Variants in GAB1 observed in about 807,000 individuals in gnomAD.
The protein encoded by GAB1 is GRB2-associated-binding protein 1.
In GAB1, 19 loss-of-function variants were observed where a neutral mutation model predicts 66.5. The observed-to-expected ratio is 0.29, with a 90% CI of 0.20 to 0.42. The LOEUF (loss-of-function observed/expected upper bound fraction) is 0.42. GAB1 is among the 10% of genes least tolerant of loss of function. The probability of loss-of-function intolerance (pLI) is 1.00; values close to 1 mark genes in which losing one functional copy is unlikely to be tolerated. For synonymous variants in GAB1, 294 were observed against 301.4 expected, an observed-to-expected ratio of 0.98 and a Z score of 0.25; for missense variants, 732 against 858.5, an observed-to-expected ratio of 0.85 and a Z score of 1.84.
intron 1 of GAB1, among the ~76,000 whole-genome samples, chr4:143,386,940 G>C (rs1030375521): frequency 2.0e-5 from 3 of 152,056 alleles, no homozygotes; most frequent in Non-Finnish European, 2.9e-5. Context: ...AGATTTTTTT[G>C]TTGATGTCTA....
At chr4:143,361,072 G>A (rs572074006) in intron 1 of GAB1, among the ~76,000 whole-genome samples, 3 of 152,080 alleles carry the variant, frequency 2.0e-5, no homozygotes, top group African/African-American at 4.8e-5. Flanking sequence ...CACTGTTTCT[G>A]TTGGCATAGT....
At chr4:143,419,953 T>C (rs756291976) in intron 2 of GAB1, among the ~76,000 whole-genome samples, 1 of 152,166 alleles carries the variant, frequency 6.6e-6, no homozygotes, top group Non-Finnish European at 1.5e-5. Flanking sequence ...TCAAAGTTTT[T>C]CAGCCATTTA....
chr4:143,389,439 C>T (rs1008229694), intron 1 of GAB1, among the ~76,000 whole-genome samples: 4 of 152,070 alleles, frequency 2.6e-5, no homozygotes, highest in African/African-American at 4.8e-5. Context: ...GCAGTGTGGT[C>T]GGGAGTTGAA....
intron 1 of GAB1, among the ~76,000 whole-genome samples, chr4:143,386,959 A>G (rs1485859578): frequency 6.6e-6 from 1 of 152,190 alleles, no homozygotes; most frequent in Non-Finnish European, 1.5e-5. Context: ...TACTGTAGAC[A>G]ATGGGGAAAT....
intron 1 of GAB1, among the ~76,000 whole-genome samples, chr4:143,392,350 G>C (rs1731224917): frequency 6.6e-6 from 1 of 152,160 alleles, no homozygotes; most frequent in South Asian, 2.1e-4. Context: ...TTTGTCAATT[G>C]AAGTATATGA....
chr4:143,373,042 AAAACACAC>A (rs1396192038), intron 1 of GAB1, among the ~76,000 whole-genome samples: 15 of 108,794 alleles, frequency 1.4e-4, no homozygotes, highest in African/African-American at 6.4e-4. Flanking sequence ...ATTTCCTTTA[AAAACACAC>A]ACACACACAC....
intron 1 of GAB1, chr4:143,380,609 T>C (rs1413602274): frequency 1.3e-5 from 2 of 152,202 alleles, no homozygotes; most frequent in Non-Finnish European, 2.9e-5. Flanking sequence ...TCTTTGTTAA[T>C]AGAGTCTCAC....
chr4:143,419,069 T>A (rs1329852298), intron 2 of GAB1, among the ~76,000 whole-genome samples: 1 of 152,130 alleles, frequency 6.6e-6, no homozygotes, highest in African/African-American at 2.4e-5. Flanking sequence ...ATTAGGTGAT[T>A]AGTTAAGGAG....
chr4:143,403,610 C>A (rs996737697), intron 1 of GAB1, among the ~76,000 whole-genome samples: 2 of 152,172 alleles, frequency 1.3e-5, no homozygotes, highest in African/African-American at 4.8e-5. Flanking sequence ...AAGGGTGACA[C>A]CCGTAGCCCT....
intron 6 of GAB1, among the ~76,000 whole-genome samples, chr4:143,443,078 G>A (rs1375769267): frequency 6.1e-5 from 9 of 147,976 alleles, no homozygotes; most frequent in African/African-American, 2.0e-4. Context: ...GTGCAGTGGC[G>A]CGATCTCGGC....
chr4:143,345,431 C>T (rs1042300414), intron 1 of GAB1, among the ~76,000 whole-genome samples: 2 of 152,144 alleles, frequency 1.3e-5, no homozygotes, highest in East Asian at 3.8e-4. Flanking sequence ...ACCAAGAGTC[C>T]AAACATTTCA....
intron 1 of GAB1, among the ~76,000 whole-genome samples, chr4:143,362,366 C>T (rs888756665): frequency 3.9e-5 from 6 of 151,948 alleles, no homozygotes; most frequent in Admixed American, 1.3e-4. Flanking sequence ...AGAAAGAATT[C>T]GAGACAAATC....
chr4:143,451,803 T>C (rs556455549), intron 6 of GAB1, among the ~76,000 whole-genome samples: 4 of 152,106 alleles, frequency 2.6e-5, no homozygotes, highest in African/African-American at 7.2e-5. Context: ...TTTTTGGAAG[T>C]TTTGAGGCAC....
At chr4:143,404,612 G>C (rs1381069484) in intron 1 of GAB1, among the ~76,000 whole-genome samples, 1 of 152,120 alleles carries the variant, frequency 6.6e-6, no homozygotes, top group Non-Finnish European at 1.5e-5. Context: ...TTAGCCAGGC[G>C]TGGTGGCATG....
intron 1 of GAB1, among the ~76,000 whole-genome samples, chr4:143,398,257 G>A (rs935054594): frequency 2.0e-4 from 31 of 152,128 alleles, no homozygotes; most frequent in African/African-American, 5.8e-4. Flanking sequence ...TTCTATGAAG[G>A]GTGTTAAAAT....
chr4:143,358,185 T>G (rs1213671726), intron 1 of GAB1, among the ~76,000 whole-genome samples: 1 of 152,184 alleles, frequency 6.6e-6, no homozygotes, highest in African/African-American at 2.4e-5. Context: ...TCACCTGTCT[T>G]TTGTTGCTCT....
At chr4:143,437,231 T>G (rs1047187289) in intron 3 of GAB1, among the ~76,000 whole-genome samples, 3 of 152,314 alleles carry the variant, frequency 2.0e-5, no homozygotes, top group Admixed American at 6.5e-5. Context: ...TCAGGTATCT[T>G]GTTTAGCATT....
intron 1 of GAB1, chr4:143,394,676 ATACT>A (rs1188242893): frequency 6.6e-6 from 1 of 152,074 alleles, no homozygotes; most frequent in Non-Finnish European, 1.5e-5. Flanking sequence ...TTCATGTTTA[ATACT>A]TCTTTATTCT....
intron 1 of GAB1, among the ~76,000 whole-genome samples, chr4:143,342,308 T>G (rs904293624): frequency 6.6e-5 from 10 of 152,188 alleles, no homozygotes; most frequent in African/African-American, 2.4e-4. Context: ...TAAAATTATT[T>G]TTTTAAGAGA....
Sources: allele counts gnomAD v4.1 joint callset (sites outside exome capture counted in the v4.1 genomes callset), GRCh38; gene constraint gnomAD v4.1.1; transcripts MANE v1.5; gene names NCBI Gene and HGNC (gene_info 2026-07-23, HGNC 2026-07-21).